SORCS1: variants seen among roughly 807,000 people sequenced by gnomAD.
The protein encoded by SORCS1 is VPS10 domain-containing receptor SorCS1.
SORCS1 carries 60 observed loss-of-function variants against 146.1 expected under a neutral mutation model. The ratio of observed to expected loss-of-function variants is 0.41; its 90% CI spans 0.33 to 0.51. The LOEUF (loss-of-function observed/expected upper bound fraction) is 0.51. SORCS1 is among the 20% of genes least tolerant of loss of function. SORCS1 has a pLI of 0.21. For missense variants in SORCS1, 1,352 were observed against 1,487.6 expected (o/e 0.91, Z 1.50); for synonymous variants, 637 against 584.0 (o/e 1.09, Z -1.31).
chr10:107,154,916 C>T (rs1969157846), intron 1 of SORCS1, among the ~76,000 whole-genome samples: 1 of 152,120 alleles, frequency 6.6e-6, no homozygotes, highest in African/African-American at 2.4e-5. Flanking sequence ...ACCATTAGTA[C>T]CCTCATTTTA....
chr10:107,084,291 A>G (rs1331462001), intron 1 of SORCS1, among the ~76,000 whole-genome samples: 5 of 143,448 alleles, frequency 3.5e-5, no homozygotes, highest in Non-Finnish European at 6.1e-5. Flanking sequence ...TATTTTTAGT[A>G]GAGATGTGGT....
intron 2 of SORCS1, among the ~76,000 whole-genome samples, chr10:106,897,087 G>A (rs1951517765): frequency 6.6e-6 from 1 of 151,948 alleles, no homozygotes; most frequent in African/African-American, 2.4e-5. Flanking sequence ...TAGAGACGGG[G>A]TTTCACTGTG....
At chr10:107,038,479 A>G (rs1959008795) in intron 1 of SORCS1, among the ~76,000 whole-genome samples, 1 of 152,186 alleles carries the variant, frequency 6.6e-6, no homozygotes, top group Admixed American at 6.5e-5. Context: ...AACATGGCAC[A>G]TGTATACATA....
At chr10:107,156,290 A>C (rs1275123440) in intron 1 of SORCS1, among the ~76,000 whole-genome samples, 4 of 152,220 alleles carry the variant, frequency 2.6e-5, no homozygotes, top group African/African-American at 9.7e-5. Context: ...AAAGGGCAAA[A>C]ATCAAATCCC....
intron 1 of SORCS1, among the ~76,000 whole-genome samples, chr10:107,121,021 G>C (rs1372979713): frequency 6.6e-6 from 1 of 152,168 alleles, no homozygotes; most frequent in Non-Finnish European, 1.5e-5. Context: ...TCGAAAAGGA[G>C]GTTCATGTTA....
chr10:107,164,402 T>G lies in SORCS1; in HGVS notation c.125A>C (p.His42Pro). Residue 42 changes from histidine (H) to proline (P), a missense_variant, in exon 1 of 26, where the codon CAC (histidine) becomes CCC (proline). By Grantham distance (77) the His-to-Pro change is moderately conservative (BLOSUM62 -2). Coordinates refer to ENST00000263054, the MANE Select transcript of SORCS1 (RefSeq NM_052918.5). This position sits in a 1 kb window ranked among gnomAD's most constrained non-coding sequence, Gnocchi z 6.8. Reference protein sequence around the residue: ...CGGGSCCPSPHPSSAPRSAST... With the variant: ...CGGGSCCPSPPPSSAPRSAST... Reference sequence around the variant, plus strand: ...GGCCGAGCGTGGAGCGGAGCTGGGGTGCGGCGAGGGGCAGCAGGAGCCGCC... The same window carrying G: ...GGCCGAGCGTGGAGCGGAGCTGGGGGGCGGCGAGGGGCAGCAGGAGCCGCC... The G allele has an allele frequency of 7.0e-7, 1 of 1,423,300 alleles. No individual in the cohort carries two copies. Among genetic ancestry groups the G allele is most frequent in the East Asian group, 2.6e-5 (1 of 38,660 alleles). 88.2% of individuals were successfully genotyped at this position (1,423,300 alleles called of 1,614,324 possible).
intron 1 of SORCS1, among the ~76,000 whole-genome samples, chr10:107,081,261 C>T (rs17209374): frequency 0.13 from 20,223 of 152,160 alleles, 1,595 homozygotes; most frequent in South Asian, 0.18. Flanking sequence ...TCCTGAAATA[C>T]GTCTCAGGTT....
At chr10:106,781,782 T>A (rs1290535362) in intron 3 of SORCS1, among the ~76,000 whole-genome samples, 1 of 152,102 alleles carries the variant, frequency 6.6e-6, no homozygotes, top group East Asian at 1.9e-4. Flanking sequence ...TAAGTGCTTA[T>A]CAATTGGCAA....
intron 2 of SORCS1, among the ~76,000 whole-genome samples, chr10:106,894,313 A>C (rs572168119): frequency 6.7e-6 from 1 of 148,754 alleles, no homozygotes. Context: ...GTGTGTAGGG[A>C]GAATAGAAAG....
At chr10:106,996,225 T>TAAA (rs376245294) in intron 1 of SORCS1, among the ~76,000 whole-genome samples, 2 of 99,670 alleles carry the variant, frequency 2.0e-5, no homozygotes, top group South Asian at 3.2e-4. Context: ...AGACTCCATC[T>TAAA]AAAAAAAAAA....
At chr10:106,851,839 A>G (rs188604068) in intron 2 of SORCS1, among the ~76,000 whole-genome samples, 34 of 152,346 alleles carry the variant, frequency 2.2e-4, no homozygotes, top group African/African-American at 7.9e-4. Context: ...TGGATATGGA[A>G]TATCTTTTCA....
intron 3 of SORCS1, among the ~76,000 whole-genome samples, chr10:106,827,298 G>T (rs1948347743): frequency 1.4e-5 from 2 of 146,750 alleles, no homozygotes; most frequent in Non-Finnish European, 1.5e-5. Flanking sequence ...AGGCATAAAT[G>T]TCTTCCATTT....
chr10:106,836,081 C>T (rs145592321), intron 2 of SORCS1, among the ~76,000 whole-genome samples: 9 of 151,934 alleles, frequency 5.9e-5, no homozygotes, highest in Non-Finnish European at 1.3e-4. Context: ...TATCTGAGCT[C>T]TTCACATGTA....
intron 5 of SORCS1, among the ~76,000 whole-genome samples, chr10:106,759,921 CA>C (rs10711313): frequency 0.99 from 150,728 of 152,048 alleles, 74,710 homozygotes; most frequent in East Asian, 1. Flanking sequence ...CTGCATCCCT[CA>C]AAAAAAAACA....
intron 6 of SORCS1, among the ~76,000 whole-genome samples, chr10:106,712,063 A>C (rs1855033002): frequency 6.6e-6 from 1 of 152,174 alleles, no homozygotes; most frequent in Admixed American, 6.5e-5. Flanking sequence ...CCAATGTTCC[A>C]TCTTGGTTTT....
chr10:106,829,125 C>T (rs575939699), intron 3 of SORCS1, among the ~76,000 whole-genome samples: 2 of 152,212 alleles, frequency 1.3e-5, no homozygotes, highest in Non-Finnish European at 2.9e-5. Context: ...ACTGAACAAA[C>T]TTTAAAAATG....
intron 5 of SORCS1, among the ~76,000 whole-genome samples, chr10:106,746,893 G>C (rs180900394): frequency 2.8e-4 from 42 of 152,276 alleles, no homozygotes; most frequent in Admixed American, 1.7e-3. Context: ...ACTCAGGAAG[G>C]CCAACTGATC....
At chr10:107,027,210 G>C (rs1958448010) in intron 1 of SORCS1, among the ~76,000 whole-genome samples, 1 of 151,866 alleles carries the variant, frequency 6.6e-6, no homozygotes, top group African/African-American at 2.4e-5. Context: ...ATAGAATCAG[G>C]GGATGGGATA....
chr10:107,140,694 C>G (rs909192312), intron 1 of SORCS1, among the ~76,000 whole-genome samples: 24 of 152,154 alleles, frequency 1.6e-4, no homozygotes, highest in Admixed American at 2.6e-4. Context: ...AAATTGCTTT[C>G]AAGACATCTA....
Sources: gnomAD v4.1 joint callset for allele counts (sites outside exome capture counted in the v4.1 genomes callset) on GRCh38, gnomAD v4.1.1 for gene constraint, Gnocchi (gnomAD v3.1) non-coding constraint, MANE v1.5 for transcripts, NCBI Gene and HGNC (gene_info 2026-07-23, HGNC 2026-07-21) for gene names.